TLN2: variants seen among roughly 807,000 people sequenced by gnomAD.
The protein encoded by TLN2 is talin 2.
TLN2 carries 118 observed loss-of-function variants against 294.7 expected under a neutral mutation model. The ratio of observed to expected loss-of-function variants is 0.40; its 90% CI spans 0.34 to 0.47. The LOEUF (loss-of-function observed/expected upper bound fraction) is 0.47. TLN2 is among the 20% of genes least tolerant of loss of function. The pLI is 0.84. For synonymous variants in TLN2, 1,431 were observed against 1,304.5 expected, an observed-to-expected ratio of 1.10 and a Z score of -2.09; for missense variants, 3,083 against 3,282.2, an observed-to-expected ratio of 0.94 and a Z score of 1.48.
intron 1 of TLN2, among the ~76,000 whole-genome samples, chr15:62,449,583 G>A (rs756331115): frequency 6.6e-6 from 1 of 152,060 alleles, no homozygotes; most frequent in African/African-American, 2.4e-5. Flanking sequence ...ACTTTGGGAG[G>A]CCGAGACAGG....
intron 3 of TLN2, among the ~76,000 whole-genome samples, chr15:62,631,533 T>TTTC (rs2049852657): frequency 1.2e-5 from 1 of 81,862 alleles, no homozygotes; most frequent in Non-Finnish European, 2.5e-5. Context: ...TTTCCTTTCC[T>TTTC]TTCCTTTCCT....
intron 45 of TLN2, among the ~76,000 whole-genome samples, chr15:62,787,894 A>G (rs1402537942): frequency 4.0e-5 from 6 of 149,696 alleles, no homozygotes; most frequent in African/African-American, 7.3e-5. Flanking sequence ...GTTTTGCTAC[A>G]TTGTCCAGGC....
At chr15:62,610,191 C>T (rs1400716509) in intron 2 of TLN2, among the ~76,000 whole-genome samples, 1 of 152,188 alleles carries the variant, frequency 6.6e-6, no homozygotes, top group East Asian at 1.9e-4. Context: ...CCTAGACTAC[C>T]TCAGTGGACA....
intron 1 of TLN2, among the ~76,000 whole-genome samples, chr15:62,397,057 T>C (rs994820052): frequency 6.6e-6 from 1 of 152,148 alleles, no homozygotes; most frequent in African/African-American, 2.4e-5. Flanking sequence ...GTTTTCCTAA[T>C]TGAGGCCCAG....
At chr15:62,820,453 A>T (rs776876370) in intron 53 of TLN2, 33 bp from the exon 54 acceptor site, 19 of 1,611,216 alleles carry the variant, frequency 1.2e-5, no homozygotes, top group Non-Finnish European at 1.5e-5. Flanking sequence ...GTCTGCAGCT[A>T]TGAAGAATCA....
At chr15:62,496,947 T>C (rs2039046529) in intron 1 of TLN2, among the ~76,000 whole-genome samples, 1 of 152,200 alleles carries the variant, frequency 6.6e-6, no homozygotes, top group African/African-American at 2.4e-5. Context: ...AGCACAGGCC[T>C]CTGCTCCTGG....
At chr15:62,449,577 T>C (rs919607752) in intron 1 of TLN2, among the ~76,000 whole-genome samples, 23 of 152,212 alleles carry the variant, frequency 1.5e-4, no homozygotes, top group African/African-American at 4.6e-4. Context: ...CCCAGCACTT[T>C]GGGAGGCCGA....
At chr15:62,683,204 A>C (rs2056984339) in intron 11 of TLN2, 1 of 152,340 alleles carries the variant, frequency 6.6e-6, no homozygotes, top group Admixed American at 6.5e-5. Context: ...CAGGAGCCAG[A>C]AGCTCAGTCC....
intron 50 of TLN2, among the ~76,000 whole-genome samples, chr15:62,805,372 C>A (rs1003576367): frequency 3.3e-5 from 5 of 152,138 alleles, no homozygotes; most frequent in African/African-American, 1.2e-4. Flanking sequence ...GTCTCCCTCA[C>A]CATATTGTTC....
At chr15:62,830,958 A>G (rs977833955) in intron 54 of TLN2, 5 of 152,004 alleles carry the variant, frequency 3.3e-5, no homozygotes, top group Admixed American at 3.3e-4. Flanking sequence ...GTCAAAGAAC[A>G]TTACAACAGT....
chr15:62,610,052 C>G (rs2047792399), intron 2 of TLN2, among the ~76,000 whole-genome samples: 1 of 152,164 alleles, frequency 6.6e-6, no homozygotes, highest in Non-Finnish European at 1.5e-5. Flanking sequence ...TGTACTTACC[C>G]TGCTCCAGAC....
intron 57 of TLN2, 127 bp downstream of exon 57, chr15:62,836,200 C>T (rs2069541150): frequency 1.7e-5 from 23 of 1,325,048 alleles, no homozygotes; most frequent in Middle Eastern, 2.5e-4. Context: ...GTCCACGTTC[C>T]AGCCTCATCT....
chr15:62,624,419 T>C (rs865819640), intron 3 of TLN2, among the ~76,000 whole-genome samples: 2 of 152,096 alleles, frequency 1.3e-5, no homozygotes, highest in Non-Finnish European at 2.9e-5. Flanking sequence ...AAGGACGGAG[T>C]GTTCTGTCCC....
intron 1 of TLN2, among the ~76,000 whole-genome samples, chr15:62,469,996 C>G (rs1241910681): frequency 1.3e-5 from 2 of 152,050 alleles, no homozygotes; most frequent in Non-Finnish European, 2.9e-5. Flanking sequence ...ACATGTAAGT[C>G]CAGCATTCTT....
At chr15:62,542,766 C>G (rs1238675830) in intron 1 of TLN2, among the ~76,000 whole-genome samples, 1 of 152,014 alleles carries the variant, frequency 6.6e-6, no homozygotes. Context: ...TGTATGTGGG[C>G]CTCACCATCA....
At chr15:62,747,218 C>T in intron 32 of TLN2, among the ~76,000 whole-genome samples, 1 of 152,204 alleles carries the variant, frequency 6.6e-6, no homozygotes, top group South Asian at 2.1e-4. Flanking sequence ...GAGTCCTTGT[C>T]AATGACTTGT....
intron 48 of TLN2, among the ~76,000 whole-genome samples, chr15:62,798,457 A>G (rs574888229): frequency 7.2e-5 from 11 of 152,200 alleles, no homozygotes; most frequent in Admixed American, 7.2e-4. Flanking sequence ...CTGAACAAGT[A>G]TATGTTCACC....
intron 2 of TLN2, among the ~76,000 whole-genome samples, chr15:62,598,854 A>C (rs748842913): frequency 6.6e-6 from 1 of 152,008 alleles, no homozygotes; most frequent in Non-Finnish European, 1.5e-5. Context: ...TAGTGACCGG[A>C]TGGATGGCAG....
At chr15:62,542,967 G>T (rs1232130870) in intron 1 of TLN2, among the ~76,000 whole-genome samples, 1 of 152,142 alleles carries the variant, frequency 6.6e-6, no homozygotes, top group East Asian at 1.9e-4. Context: ...CAGAGAAATG[G>T]ACTGGCTACA....
Sources: allele counts gnomAD v4.1 joint callset (sites outside exome capture counted in the v4.1 genomes callset), GRCh38; gene constraint gnomAD v4.1.1; transcripts MANE v1.5; gene names NCBI Gene and HGNC (gene_info 2026-07-23, HGNC 2026-07-21).